FSTL5: variants seen among roughly 807,000 people sequenced by gnomAD.
FSTL5 encodes the protein follistatin like 5.
FSTL5 carries 62 observed loss-of-function variants against 89.1 expected under a neutral mutation model. The ratio of observed to expected loss-of-function variants is 0.70; its 90% CI spans 0.57 to 0.86. The LOEUF is 0.86. Ranked by LOEUF, FSTL5 falls within the 40% of genes least tolerant of loss-of-function variation. The pLI is 0.00. For synonymous variants in FSTL5, 383 were observed against 346.2 expected, an observed-to-expected ratio of 1.11 and a Z score of -1.18; for missense variants, 1,057 against 1,001.6, an observed-to-expected ratio of 1.06 and a Z score of -0.75.
intron 13 of FSTL5, among the ~76,000 whole-genome samples, chr4:161,460,365 T>C (rs1480787385): frequency 3.3e-5 from 3 of 91,984 alleles, no homozygotes; most frequent in East Asian, 1.4e-3. Flanking sequence ...ATTAGGTGTA[T>C]CTCCTAATGC....
chr4:161,525,886 A>G (rs967959516), intron 10 of FSTL5, among the ~76,000 whole-genome samples: 1 of 152,138 alleles, frequency 6.6e-6, no homozygotes, highest in Admixed American at 6.6e-5. Flanking sequence ...TTTCTCTACT[A>G]TTTTAAGGTA....
At chr4:161,562,216 C>A (rs955602317) in intron 8 of FSTL5, among the ~76,000 whole-genome samples, 12 of 151,912 alleles carry the variant, frequency 7.9e-5, no homozygotes, top group Admixed American at 3.9e-4. Flanking sequence ...AGTATCACAC[C>A]ACTATCATTA....
At chr4:161,801,390 A>G (rs374291614) in intron 4 of FSTL5, among the ~76,000 whole-genome samples, 49 of 151,678 alleles carry the variant, frequency 3.2e-4, no homozygotes, top group African/African-American at 1.2e-3. Flanking sequence ...GGAGCCTGAC[A>G]AAGTCGTTCT....
intron 7 of FSTL5, among the ~76,000 whole-genome samples, chr4:161,602,511 T>C (rs1197756270): frequency 3.5e-5 from 5 of 143,640 alleles, no homozygotes; most frequent in Admixed American, 1.4e-4. Flanking sequence ...AAAATAGAGA[T>C]TGGAATATTT....
chr4:161,481,271 G>T, intron 12 of FSTL5, 102 bp from the exon 13 acceptor site: 1 of 742,792 alleles, frequency 1.3e-6, no homozygotes, highest in Non-Finnish European at 2.1e-6. Context: ...ACTACTTTCA[G>T]CATCAAATGT....
intron 12 of FSTL5, among the ~76,000 whole-genome samples, chr4:161,482,422 G>C (rs142860332): frequency 1.1e-4 from 17 of 152,074 alleles, no homozygotes; most frequent in Non-Finnish European, 2.5e-4. Flanking sequence ...AATTAACAAC[G>C]TCTAATTTCA....
intron 6 of FSTL5, among the ~76,000 whole-genome samples, chr4:161,720,959 T>G (rs1177386121): frequency 6.6e-6 from 1 of 152,142 alleles, no homozygotes; most frequent in Admixed American, 6.5e-5. Context: ...ATAGCACCCG[T>G]AGTTACCAAC....
At position 161,920,491 on chromosome 4, in the gene FSTL5, A is replaced by G. The variant is rs1166874243; in HGVS notation, c.322T>C (p.Tyr108His). The G allele has an allele frequency of 5.6e-6, 9 of 1,613,814 alleles. No individual in the cohort carries two copies. The highest frequency in any genetic ancestry group is 1.3e-5 in the African/African-American group (1 of 74,938). Residue 108 changes from tyrosine (Y) to histidine (H), a missense_variant, in exon 4 of 16, where the codon TAT (tyrosine) becomes CAT (histidine). Physicochemically the swap from Tyr to His is moderately conservative, Grantham distance 83. This residue lies in a region of FSTL5 where 980 missense variants were observed against 903.2 expected (regional missense o/e 1.08). Transcript: ENST00000306100. ...KPVCGSDGEF[Y>H]ENHCEVHRAA... Reference sequence around the variant, plus strand: ...CTGTGCACTTCACAGTGGTTTTCATAGAATTCTCCGTCAGATCCACACACA... The same window carrying G: ...CTGTGCACTTCACAGTGGTTTTCATGGAATTCTCCGTCAGATCCACACACA...
At chr4:161,801,132 A>C (rs1205957001) in intron 4 of FSTL5, among the ~76,000 whole-genome samples, 2 of 151,624 alleles carry the variant, frequency 1.3e-5, no homozygotes, top group Non-Finnish European at 3.0e-5. Context: ...TTGCAATCTC[A>C]GTCTTAAAAA....
At chr4:162,076,611 G>A (rs1486884350) in intron 2 of FSTL5, among the ~76,000 whole-genome samples, 1 of 151,800 alleles carries the variant, frequency 6.6e-6, no homozygotes, top group Non-Finnish European at 1.5e-5. Context: ...ATGTGCCAGT[G>A]AAGGCAAGAC....
chr4:161,657,521 G>C (rs1736560320), intron 6 of FSTL5, among the ~76,000 whole-genome samples: 2 of 152,136 alleles, frequency 1.3e-5, no homozygotes, highest in Admixed American at 1.3e-4. Context: ...GGTTGAGTGA[G>C]GAAAGTGGTG....
chr4:161,886,770 T>C (rs1732821719), intron 4 of FSTL5, among the ~76,000 whole-genome samples: 1 of 152,200 alleles, frequency 6.6e-6, no homozygotes, highest in Non-Finnish European at 1.5e-5. Flanking sequence ...GTTGTATTCC[T>C]AATACAGAAA....
At chr4:161,614,774 C>G (rs1232708139) in intron 7 of FSTL5, among the ~76,000 whole-genome samples, 1 of 152,098 alleles carries the variant, frequency 6.6e-6, no homozygotes, top group Non-Finnish European at 1.5e-5. Flanking sequence ...ATATTCTAAA[C>G]ACTATACAAA....
chr4:161,815,423 T>A (rs1730293296), intron 4 of FSTL5, among the ~76,000 whole-genome samples: 1 of 152,188 alleles, frequency 6.6e-6, no homozygotes, highest in African/African-American at 2.4e-5. Flanking sequence ...AAGAAAATAT[T>A]TGTATCCTAA....
At chr4:161,542,026 T>TA in intron 9 of FSTL5, among the ~76,000 whole-genome samples, 1 of 152,066 alleles carries the variant, frequency 6.6e-6, no homozygotes, top group African/African-American at 2.4e-5. Flanking sequence ...ATTTTATATA[T>TA]TAGAATGTAA....
intron 6 of FSTL5, among the ~76,000 whole-genome samples, chr4:161,757,738 C>G (rs1447721466): frequency 6.6e-6 from 1 of 152,074 alleles, no homozygotes; most frequent in Non-Finnish European, 1.5e-5. Flanking sequence ...CCTGCCTCAG[C>G]GTCCCGAGTA....
At chr4:161,519,112 A>T (rs1386046910) in intron 10 of FSTL5, among the ~76,000 whole-genome samples, 1 of 152,178 alleles carries the variant, frequency 6.6e-6, no homozygotes, top group African/African-American at 2.4e-5. Flanking sequence ...CTGGCATCGG[A>T]AGACACTCAT....
chr4:161,952,657 C>T (rs1431272374), intron 3 of FSTL5, among the ~76,000 whole-genome samples: 4 of 151,770 alleles, frequency 2.6e-5, no homozygotes, highest in Non-Finnish European at 5.9e-5. Flanking sequence ...TATTTAAATT[C>T]AATACATTAA....
chr4:161,892,421 G>C (rs1042507451), intron 4 of FSTL5, among the ~76,000 whole-genome samples: 6 of 151,982 alleles, frequency 3.9e-5, no homozygotes, highest in African/African-American at 1.4e-4. Context: ...GAAAAAGTTA[G>C]TTAATTTTAT....
Sources: gnomAD v4.1 joint callset for allele counts (sites outside exome capture counted in the v4.1 genomes callset) on GRCh38, gnomAD v4.1.1 for gene constraint, gnomAD v4.1.1 regional missense constraint, MANE v1.5 for transcripts, NCBI Gene and HGNC (gene_info 2026-07-23, HGNC 2026-07-21) for gene names.